The following CCDC178 variants were observed in gnomAD, a reference collection of about 807,000 sequenced individuals.
The protein encoded by CCDC178 is coiled-coil domain-containing protein 178.
CCDC178 carries 126 observed loss-of-function variants against 117.4 expected under a neutral mutation model. The observed-to-expected ratio is 1.07, with a 90% CI of 0.93 to 1.24. CCDC178 has a LOEUF of 1.24. Among genes scored for constraint, CCDC178 ranks in the 50% most tolerant of loss-of-function variants. The pLI is 0.00. For missense variants in CCDC178, 1,030 were observed against 986.9 expected (o/e 1.04, Z -0.59); for synonymous variants, 283 against 313.4 (o/e 0.90, Z 1.02).
chr18:33,439,499 AG>A (rs2064346932), intron 2 of CCDC178, among the ~76,000 whole-genome samples: 1 of 152,246 alleles, frequency 6.6e-6, no homozygotes, highest in Admixed American at 6.5e-5. Context: ...CAGTAAAGTA[AG>A]AAGTATTATA....
chr18:33,027,152 C>G (rs2056245513), intron 21 of CCDC178, among the ~76,000 whole-genome samples: 1 of 151,564 alleles, frequency 6.6e-6, no homozygotes, highest in African/African-American at 2.4e-5. Flanking sequence ...AAGTGGTAAA[C>G]ATAATAATTT....
At chr18:33,360,942 C>T (rs2063116672) in intron 6 of CCDC178, among the ~76,000 whole-genome samples, 1 of 151,198 alleles carries the variant, frequency 6.6e-6, no homozygotes, top group Non-Finnish European at 1.5e-5. Flanking sequence ...GATTTAATGC[C>T]ATGTCGATAA....
chr18:33,006,088 G>A (rs1212052455), intron 21 of CCDC178, among the ~76,000 whole-genome samples: 1 of 151,964 alleles, frequency 6.6e-6, no homozygotes, highest in Non-Finnish European at 1.5e-5. Context: ...CATTCGTTTG[G>A]TTGACTGTAT....
intron 21 of CCDC178, among the ~76,000 whole-genome samples, chr18:33,003,382 T>C (rs963814446): frequency 1.3e-5 from 2 of 152,184 alleles, no homozygotes; most frequent in Admixed American, 6.5e-5. Context: ...TGGTTCAACA[T>C]ATGCAAATCA....
At chr18:33,019,913 A>ATAT (rs35536059) in intron 21 of CCDC178, among the ~76,000 whole-genome samples, 1,487 of 137,672 alleles carry the variant, frequency 0.011, 12 homozygotes, top group African/African-American at 0.014. Context: ...CTTAACTGAG[A>ATAT]TATTATTATT....
intron 20 of CCDC178, among the ~76,000 whole-genome samples, chr18:33,126,997 A>AAAATATAT (rs71266914): frequency 6.4e-5 from 9 of 141,184 alleles, no homozygotes; most frequent in African/African-American, 2.4e-4. Flanking sequence ...AAAAAAAAAA[A>AAAATATAT]ATATATATAT....
At chr18:33,195,127 AAGAGAGAG>A (rs537974531) in intron 20 of CCDC178, among the ~76,000 whole-genome samples, 5 of 143,134 alleles carry the variant, frequency 3.5e-5, no homozygotes, top group Non-Finnish European at 7.5e-5. Flanking sequence ...TTAAAAAAAA[AAGAGAGAG>A]AGAGAGAGAG....
intron 20 of CCDC178, among the ~76,000 whole-genome samples, chr18:33,160,271 A>G (rs1376679124): frequency 6.6e-6 from 1 of 152,182 alleles, no homozygotes; most frequent in Non-Finnish European, 1.5e-5. Context: ...AATGAATGGT[A>G]TTGAATTATA....
chr18:33,279,084 A>T (rs1352302171), intron 12 of CCDC178, among the ~76,000 whole-genome samples: 1 of 152,098 alleles, frequency 6.6e-6, no homozygotes, highest in Non-Finnish European at 1.5e-5. Context: ...TATTCAACAT[A>T]GTGTTGGAAG....
At chr18:33,272,238 C>G (rs2059899533) in intron 12 of CCDC178, among the ~76,000 whole-genome samples, 1 of 151,196 alleles carries the variant, frequency 6.6e-6, no homozygotes, top group Non-Finnish European at 1.5e-5. Context: ...TGCTATGAAC[C>G]TTCAAAAAGT....
intron 21 of CCDC178, among the ~76,000 whole-genome samples, chr18:33,085,558 G>A (rs1413300976): frequency 1.3e-5 from 2 of 151,870 alleles, no homozygotes; most frequent in South Asian, 2.1e-4. Flanking sequence ...GAGAGATTCC[G>A]TCTCAAAAAA....
chr18:33,166,111 T>C (rs541938929), intron 20 of CCDC178, among the ~76,000 whole-genome samples: 1 of 152,226 alleles, frequency 6.6e-6, no homozygotes, highest in South Asian at 2.1e-4. Context: ...AAGACAGATA[T>C]CTTACTACTA....
chr18:33,298,207 C>T lies in CCDC178; in HGVS notation c.1023-4895G>A, dbSNP rs145957861. ...ACTATAAGCCAATATATCTGATGAA[C>T]ATAGATAGAAACATCTTCAGCAAAA... is the stretch of plus-strand genomic sequence containing the variant. On this transcript the variant is annotated intron_variant, in intron 11 of 22. Coordinates refer to ENST00000383096, the MANE Select transcript of CCDC178 (RefSeq NM_001105528.4). 1.4e-4 allele frequency among the ~76,000 whole-genome samples: 21 copies of T among 152,166 alleles called. No homozygotes were observed. The East Asian group carries it at 3.9e-3, about 28-fold the overall frequency.
At chr18:33,146,803 G>C (rs983276394) in intron 20 of CCDC178, among the ~76,000 whole-genome samples, 24 of 152,288 alleles carry the variant, frequency 1.6e-4, no homozygotes, top group African/African-American at 5.3e-4. Flanking sequence ...AAAGATTTGA[G>C]AATAGATCAT....
At chr18:33,399,884 C>G (rs1000809571) in intron 3 of CCDC178, among the ~76,000 whole-genome samples, 1 of 151,986 alleles carries the variant, frequency 6.6e-6, no homozygotes, top group Non-Finnish European at 1.5e-5. Flanking sequence ...TTTATTTTAC[C>G]CAGATCCATC....
intron 9 of CCDC178, among the ~76,000 whole-genome samples, chr18:33,341,088 G>T (rs1208451938): frequency 6.6e-6 from 1 of 152,204 alleles, no homozygotes; most frequent in Non-Finnish European, 1.5e-5. Flanking sequence ...AGCCACAGGG[G>T]TGCAGCTGCC....
At chr18:32,964,886 T>A (rs1568185307) in intron 22 of CCDC178, among the ~76,000 whole-genome samples, 1 of 152,026 alleles carries the variant, frequency 6.6e-6, no homozygotes, top group Non-Finnish European at 1.5e-5. Flanking sequence ...TATTTCAGCA[T>A]CTTTCCTGTC....
At chr18:33,398,928 T>C (rs1440822207) in intron 3 of CCDC178, among the ~76,000 whole-genome samples, 1 of 152,218 alleles carries the variant, frequency 6.6e-6, no homozygotes, top group Admixed American at 6.5e-5. Flanking sequence ...GATACTTTAA[T>C]TAACAATATT....
chr18:33,010,004 T>C (rs553285204), intron 21 of CCDC178, among the ~76,000 whole-genome samples: 31 of 152,244 alleles, frequency 2.0e-4, no homozygotes, highest in Non-Finnish European at 3.8e-4. Flanking sequence ...CACACTATCA[T>C]TGTCTTCTAA....
Sources: gnomAD v4.1 joint callset for allele counts (sites outside exome capture counted in the v4.1 genomes callset) on GRCh38, gnomAD v4.1.1 for gene constraint, MANE v1.5 for transcripts, NCBI Gene and HGNC (gene_info 2026-07-23, HGNC 2026-07-21) for gene names.